The following ESRRB variants were observed in gnomAD, a reference collection of about 807,000 sequenced individuals.
The protein encoded by ESRRB is steroid hormone receptor ERR2.
A neutral mutation model predicts 46.0 loss-of-function variants in ESRRB; 16 were observed. The ratio of observed to expected loss-of-function variants is 0.35; its 90% confidence interval spans 0.24 to 0.53. The LOEUF is 0.53. Among genes scored for constraint, ESRRB ranks in the 20% least tolerant of loss-of-function variants. ESRRB has a pLI of 0.93. For synonymous variants in ESRRB, 246 were observed against 259.6 expected (o/e 0.95, Z 0.50); for missense variants, 488 against 607.4 (o/e 0.80, Z 2.07).
chr14:76,491,449 T>C lies in ESRRB; in HGVS notation c.853T>C (p.Phe285Leu), dbSNP rs772562666. ...IIGWAKHIPG[F>L]SSLSLGDQMS... ...CTCTGTGCCCCCTCTTCCTGCAGGC[T>C]TCTCAAGCCTCTCCCTGGGGGACCA... Residue 285 changes from phenylalanine to leucine, a missense_variant and splice_region_variant, in exon 6 of 7, where the codon TTC becomes CTC. Physicochemically the swap from Phe to Leu is conservative, Grantham distance 22. Coordinates refer to ENST00000644823, the MANE Select transcript of ESRRB (RefSeq NM_001379180.1). 2.5e-6 allele frequency: 4 copies of C among 1,607,590 alleles called. No individual in the cohort carries two copies. Among genetic ancestry groups the C allele is most frequent in the Non-Finnish European group, 3.4e-6 (4 of 1,177,996 alleles).
In ESRRB at chr14:76,482,676, G is replaced by A. The variant is rs754177254; in HGVS notation, c.767G>A (p.Gly256Glu). The A allele has an allele frequency of 6.2e-7, 1 of 1,614,182 alleles. No homozygotes were observed. Among genetic ancestry groups the A allele is most frequent in the Non-Finnish European group, 8.5e-7 (1 of 1,180,034 alleles). The change falls in exon 5 of 7, where the codon GGG (glycine) becomes GAG (glutamate). Residue 256 changes from glycine (G) to glutamate (E), a missense_variant. Coordinates refer to ENST00000644823, the MANE Select transcript of ESRRB (RefSeq NM_001379180.1). The surrounding 1 kb of genome is among the most constrained non-coding windows in gnomAD (Gnocchi z 4.3). ...YAMPPPGMPE[G>E]DIKALTTLCD... The stretch of plus-strand genomic sequence containing the variant: ...ATGCCTCCCCCTGGTATGCCTGAGG[G>A]GGACATCAAGGCCCTGACCACTCTC...
intron 2 of ESRRB, among the ~76,000 whole-genome samples, chr14:76,451,627 T>A (rs990675286): frequency 6.6e-6 from 1 of 151,910 alleles, no homozygotes; most frequent in Non-Finnish European, 1.5e-5. Context: ...TTTATTTTTA[T>A]TTTATTTATT....
chr14:76,424,760 A>G (rs1029143705), intron 1 of ESRRB, among the ~76,000 whole-genome samples: 2 of 152,032 alleles, frequency 1.3e-5, no homozygotes, highest in Non-Finnish European at 2.9e-5. Context: ...TGTTTGAGAT[A>G]GAGTGTCACT....
At chr14:76,495,825 CATAAAT>C (rs1176716146) in intron 6 of ESRRB, among the ~76,000 whole-genome samples, 1 of 152,132 alleles carries the variant, frequency 6.6e-6, no homozygotes, top group Non-Finnish European at 1.5e-5. Flanking sequence ...ATATAACAGA[CATAAAT>C]ATAAATCATC....
intron 3 of ESRRB, among the ~76,000 whole-genome samples, chr14:76,475,008 C>T (rs1045055014): frequency 4.6e-5 from 7 of 151,098 alleles, no homozygotes; most frequent in African/African-American, 7.3e-5. Flanking sequence ...GCAGAAGGAT[C>T]GCTTGAGGTC....
chr14:76,311,935 C>A (rs1883740161), intron 1 of ESRRB, among the ~76,000 whole-genome samples: 1 of 131,952 alleles, frequency 7.6e-6, no homozygotes, highest in African/African-American at 2.9e-5. Flanking sequence ...GGAAGATTTG[C>A]TTTATAGAAT....
At chr14:76,391,458 T>C (rs2139820109) in intron 1 of ESRRB, among the ~76,000 whole-genome samples, 1 of 152,378 alleles carries the variant, frequency 6.6e-6, no homozygotes, top group Middle Eastern at 3.4e-3. Flanking sequence ...AATGCGTACA[T>C]CTGCATGCTG....
At chr14:76,384,967 G>C (rs1260232826) in intron 1 of ESRRB, among the ~76,000 whole-genome samples, 1 of 152,138 alleles carries the variant, frequency 6.6e-6, no homozygotes, top group Non-Finnish European at 1.5e-5. Context: ...GTCCCTTCTT[G>C]TGATGCTTCA....
At chr14:76,485,535 C>A (rs1238486444) in intron 5 of ESRRB, among the ~76,000 whole-genome samples, 2 of 152,006 alleles carry the variant, frequency 1.3e-5, no homozygotes, top group Non-Finnish European at 1.5e-5. Flanking sequence ...AGCCACCGTG[C>A]CTGGCCAGGT....
chr14:76,492,827 T>C (rs528396045), intron 6 of ESRRB, among the ~76,000 whole-genome samples: 2 of 152,322 alleles, frequency 1.3e-5, no homozygotes, highest in East Asian at 3.9e-4. Flanking sequence ...GAGGCAGGCG[T>C]TGGGTAATGC....
chr14:76,480,004 A>T (rs2140027171), intron 3 of ESRRB, among the ~76,000 whole-genome samples: 1 of 152,296 alleles, frequency 6.6e-6, no homozygotes, highest in East Asian at 1.9e-4. Context: ...AGTAGCTGGA[A>T]TTACAGGCAC....
intron 1 of ESRRB, among the ~76,000 whole-genome samples, chr14:76,401,957 T>C (rs1885964783): frequency 3.3e-5 from 5 of 152,142 alleles, no homozygotes; most frequent in Admixed American, 3.3e-4. Flanking sequence ...GAGCTGACAG[T>C]GTAATTCTAG....
In ESRRB at chr14:76,498,425, A is replaced by G; in HGVS notation, c.1332A>G (p.Lys444=). 1 of 1,613,400 alleles carries G rather than the reference A, an allele frequency of 6.2e-7. No individual in the cohort carries two copies. The highest frequency in any genetic ancestry group is 1.1e-5 in the South Asian group (1 of 91,078). ...TGCAGGGCAAAGTGCCCATGCACAA[A>G]CTCTTCCTGGAGATGCTGGAGGCCA... The part of the protein sequence containing the change: ...VKLQGKVPMH[K]LFLEMLEAKV The change falls in exon 7 of 7, where the codon AAA becomes AAG. Residue 444 remains lysine (K), a synonymous_variant. Transcript: ENST00000644823.
chr14:76,367,069 C>T (rs578147884), upstream of ESRRB, among the ~76,000 whole-genome samples: 71 of 152,102 alleles, frequency 4.7e-4, no homozygotes, highest in African/African-American at 1.6e-3. Context: ...AGACCTGGGG[C>T]GAGCATTAAG....
At chr14:76,367,253 T>A (rs1309029029), upstream of ESRRB, among the ~76,000 whole-genome samples, 6 of 150,988 alleles carry the variant, frequency 4.0e-5, no homozygotes, top group East Asian at 1.9e-4. Context: ...GGAAAGCTTA[T>A]AAAGAAAAAA....
At chr14:76,323,128 C>G (rs894930542) in intron 1 of ESRRB, among the ~76,000 whole-genome samples, 2 of 152,152 alleles carry the variant, frequency 1.3e-5, no homozygotes, top group Non-Finnish European at 2.9e-5. Context: ...ATGTTCAGCA[C>G]TTCCTCCTTT....
At chr14:76,363,014 G>A (rs546242868) in intron 1 of ESRRB, among the ~76,000 whole-genome samples, 1 of 152,320 alleles carries the variant, frequency 6.6e-6, no homozygotes, top group Non-Finnish European at 1.5e-5. Flanking sequence ...CATTTGCAGA[G>A]TTGTTGAGGA....
At chr14:76,381,479 G>A (rs1368651916) in intron 1 of ESRRB, among the ~76,000 whole-genome samples, 1 of 152,164 alleles carries the variant, frequency 6.6e-6, no homozygotes, top group Non-Finnish European at 1.5e-5. Flanking sequence ...CTTCCCCAGG[G>A]CACTGGGCTA....
intron 1 of ESRRB, among the ~76,000 whole-genome samples, chr14:76,420,263 C>A (rs950849646): frequency 6.6e-6 from 1 of 151,940 alleles, no homozygotes; most frequent in Non-Finnish European, 1.5e-5. Flanking sequence ...ATCTTCAGGC[C>A]CCCCCAGCAG....
Sources: gnomAD v4.1 joint callset for allele counts (sites outside exome capture counted in the v4.1 genomes callset) on GRCh38, gnomAD v4.1.1 for gene constraint, Gnocchi (gnomAD v3.1) non-coding constraint, MANE v1.5 for transcripts, NCBI Gene and HGNC (gene_info 2026-07-23, HGNC 2026-07-21) for gene names.